CADM2: variants seen among roughly 807,000 people sequenced by gnomAD.
CADM2 encodes cell adhesion molecule 2.
A neutral mutation model predicts 49.8 loss-of-function variants in CADM2; 12 were observed. The ratio of observed to expected loss-of-function variants is 0.24; its 90% CI spans 0.15 to 0.39. The LOEUF is 0.39. CADM2 is among the 10% of genes least tolerant of loss of function. The probability of loss-of-function intolerance (pLI) is 1.00; values close to 1 mark genes in which losing one functional copy is unlikely to be tolerated. For missense variants in CADM2, 378 were observed against 492.3 expected (o/e 0.77, Z 2.20); for synonymous variants, 214 against 175.4 (o/e 1.22, Z -1.74).
At chr3:86,017,504 G>T (rs1009383394) in intron 8 of CADM2, among the ~76,000 whole-genome samples, 2 of 151,944 alleles carry the variant, frequency 1.3e-5, no homozygotes, top group Non-Finnish European at 2.9e-5. Context: ...GCCAAGACCC[G>T]CAGATCGCTT....
At chr3:85,428,245 A>G (rs2036503055) in intron 1 of CADM2, among the ~76,000 whole-genome samples, 1 of 150,092 alleles carries the variant, frequency 6.7e-6, no homozygotes, top group African/African-American at 2.4e-5. Context: ...GAAAATATAT[A>G]TACTTGAACT....
chr3:85,150,946 A>T (rs188354661), intron 1 of CADM2, among the ~76,000 whole-genome samples: 136 of 149,646 alleles, frequency 9.1e-4, no homozygotes, highest in Middle Eastern at 3.6e-3. Flanking sequence ...AATAATAATA[A>T]TAATAATAAT....
intron 1 of CADM2, among the ~76,000 whole-genome samples, chr3:85,100,877 A>T (rs1368361534): frequency 6.6e-6 from 1 of 152,230 alleles, no homozygotes; most frequent in Non-Finnish European, 1.5e-5. Flanking sequence ...TAAACATCAC[A>T]TAAGCTTATG....
At chr3:85,539,597 C>G (rs540252236) in intron 1 of CADM2, among the ~76,000 whole-genome samples, 1 of 152,050 alleles carries the variant, frequency 6.6e-6, no homozygotes, top group South Asian at 2.1e-4. Flanking sequence ...GGAACAACAC[C>G]AGGTAATTTA....
chr3:86,036,179 A>C (rs76220602), intron 8 of CADM2, among the ~76,000 whole-genome samples: 2 of 152,228 alleles, frequency 1.3e-5, no homozygotes, highest in East Asian at 3.9e-4. Flanking sequence ...AAAAACCTTA[A>C]TATATTAAGT....
intron 1 of CADM2, among the ~76,000 whole-genome samples, chr3:85,118,964 G>C (rs2038747168): frequency 6.6e-6 from 1 of 152,058 alleles, no homozygotes; most frequent in South Asian, 2.1e-4. Context: ...GGTCAGGCTG[G>C]TCTCGAACTC....
At chr3:85,589,306 C>A (rs192558144) in intron 1 of CADM2, among the ~76,000 whole-genome samples, 177 of 152,120 alleles carry the variant, frequency 1.2e-3, no homozygotes, top group African/African-American at 4.0e-3. Context: ...GTTTCTGACC[C>A]TAAAACCTCA....
At chr3:85,238,606 C>G (rs913811129) in intron 1 of CADM2, among the ~76,000 whole-genome samples, 2 of 151,864 alleles carry the variant, frequency 1.3e-5, no homozygotes, top group African/African-American at 2.4e-5. Flanking sequence ...TGACAGTGAA[C>G]AAATGCTTGA....
intron 1 of CADM2, among the ~76,000 whole-genome samples, chr3:85,659,047 G>A (rs1458211935): frequency 3.1e-5 from 2 of 65,006 alleles, no homozygotes; most frequent in African/African-American, 1.5e-4. Flanking sequence ...GTGAGACTCT[G>A]TCTCTAAATA....
intron 1 of CADM2, among the ~76,000 whole-genome samples, chr3:85,552,787 CT>C (rs2061845684): frequency 6.6e-6 from 1 of 152,006 alleles, no homozygotes; most frequent in Non-Finnish European, 1.5e-5. Flanking sequence ...AGTGATTTTC[CT>C]TCCTCAGCCT....
At chr3:85,571,677 A>C (rs1245836567) in intron 1 of CADM2, among the ~76,000 whole-genome samples, 1 of 152,210 alleles carries the variant, frequency 6.6e-6, no homozygotes. Context: ...TTGGGAATTC[A>C]AATTGCTATG....
chr3:85,777,198 CTAATA>C lies in CADM2; in HGVS notation c.89-24846_89-24842del, dbSNP rs536415933. Among the ~76,000 whole-genome samples the C allele has an allele frequency of 1.5e-3, 227 of 151,302 alleles. 1 individual carries two copies. Among genetic ancestry groups the C allele is most frequent in the African/African-American group, 5.3e-3 (218 of 41,346 alleles). On this transcript the variant is annotated intron_variant, in intron 2 of 9. Coordinates refer to ENST00000383699, the MANE Select transcript of CADM2 (RefSeq NM_001167675.2). ...TTTTTTATGACATTCTCATGGTATT[CTAATA>C]TATCTACTTGTACAGAAAACATTTG...
intron 2 of CADM2, among the ~76,000 whole-genome samples, chr3:85,746,919 C>A (rs967865318): frequency 2.6e-5 from 4 of 152,048 alleles, no homozygotes; most frequent in Non-Finnish European, 2.9e-5. Context: ...CTTTTAAAAT[C>A]AAAAAGCTAG....
intron 1 of CADM2, among the ~76,000 whole-genome samples, chr3:85,673,275 C>A (rs2065797055): frequency 1.3e-5 from 2 of 152,036 alleles, no homozygotes; most frequent in South Asian, 4.1e-4. Flanking sequence ...AAGAGAAATT[C>A]ACTCTATGAG....
At chr3:85,599,722 T>C (rs910643093) in intron 1 of CADM2, among the ~76,000 whole-genome samples, 9 of 152,050 alleles carry the variant, frequency 5.9e-5, no homozygotes, top group Admixed American at 5.9e-4. Flanking sequence ...AAAATTTCAA[T>C]TGATTTTAGA....
intron 1 of CADM2, among the ~76,000 whole-genome samples, chr3:85,282,082 T>C (rs546514916): frequency 2.6e-5 from 4 of 152,092 alleles, no homozygotes; most frequent in Non-Finnish European, 5.9e-5. Context: ...GTGTGAAATA[T>C]TATACATAAA....
chr3:85,154,648 G>A (rs373288182), intron 1 of CADM2, among the ~76,000 whole-genome samples: 9,670 of 149,276 alleles, frequency 0.065, 1,013 homozygotes, highest in African/African-American at 0.23. Flanking sequence ...CAGATTCACC[G>A]AAGTTGAAAT....
intron 1 of CADM2, among the ~76,000 whole-genome samples, chr3:85,315,177 T>G (rs2044434956): frequency 6.6e-6 from 1 of 152,152 alleles, no homozygotes; most frequent in Non-Finnish European, 1.5e-5. Flanking sequence ...AAGTGGCTAT[T>G]CACAAGCACA....
At chr3:85,961,194 A>C (rs960918702) in intron 7 of CADM2, among the ~76,000 whole-genome samples, 5 of 151,174 alleles carry the variant, frequency 3.3e-5, no homozygotes, top group African/African-American at 1.2e-4. Context: ...GGGCCACACG[A>C]CTTGAGCAGG....
Sources: allele counts gnomAD v4.1 joint callset (sites outside exome capture counted in the v4.1 genomes callset), GRCh38; gene constraint gnomAD v4.1.1; transcripts MANE v1.5; gene names NCBI Gene and HGNC (gene_info 2026-07-23, HGNC 2026-07-21).